The following SLC14A2 variants were observed in gnomAD, a reference collection of about 807,000 sequenced individuals.
SLC14A2 encodes solute carrier family 14 member 2.
SLC14A2 carries 91 observed loss-of-function variants against 104.6 expected under a neutral mutation model. That is an observed-to-expected ratio of 0.87 (90% confidence interval 0.73 to 1.04). The LOEUF (loss-of-function observed/expected upper bound fraction) is 1.04, where lower values mean the gene tolerates loss of function less well. Ranked by LOEUF, SLC14A2 falls within the 50% of genes least tolerant of loss-of-function variation. The pLI is 0.00. For missense variants in SLC14A2, 1,189 were observed against 1,156.0 expected (o/e 1.03, Z -0.41); for synonymous variants, 476 against 466.4 (o/e 1.02, Z -0.27).
At chr18:45,241,491 A>T (rs1384254544) in intron 1 of SLC14A2, among the ~76,000 whole-genome samples, 1 of 152,126 alleles carries the variant, frequency 6.6e-6, no homozygotes, top group African/African-American at 2.4e-5. Context: ...CCGCTTGGCC[A>T]CTGGGTCCCT....
intron 1 of SLC14A2, among the ~76,000 whole-genome samples, chr18:45,353,732 C>T (rs192295361): frequency 6.6e-6 from 1 of 152,148 alleles, no homozygotes; most frequent in African/African-American, 2.4e-5. Context: ...GTGTGGCAGG[C>T]ATGCATGAAG....
At position 45,485,507 on chromosome 18, in the gene SLC14A2, T is replaced by C. The variant is rs180742205; in HGVS notation, c.-35+2185T>C. On this transcript the variant is annotated intron_variant, in intron 2 of 20. Transcript: ENST00000586448. ...TGATTTCAGTTTATAGAGGCCATAA[T>C]GTAGAGGGTTCTTGGAAATTTCTCC... 5.9e-5 allele frequency among the ~76,000 whole-genome samples: 9 copies of C among 152,262 alleles called. No individual in the cohort carries two copies. In the East Asian group the frequency reaches 1.7e-3, roughly 29 times the overall value.
chr18:45,369,965 G>C (rs2085705131), intron 1 of SLC14A2, among the ~76,000 whole-genome samples: 1 of 152,164 alleles, frequency 6.6e-6, no homozygotes, highest in African/African-American at 2.4e-5. Context: ...GGCATCCCTA[G>C]ACCAAACTGG....
intron 2 of SLC14A2, among the ~76,000 whole-genome samples, chr18:45,609,119 C>A (rs572702152): frequency 6.6e-6 from 1 of 152,276 alleles, no homozygotes; most frequent in Non-Finnish European, 1.5e-5. Flanking sequence ...AGAGTAGGGA[C>A]AAATGGCTCA....
At chr18:45,194,643 A>ATTTTTTT in the SLC14A2 span, among the ~76,000 whole-genome samples, 3 of 108,848 alleles carry the variant, frequency 2.8e-5, no homozygotes, top group African/African-American at 7.2e-5. Flanking sequence ...TTGGTCTGTA[A>ATTTTTTT]TTTTTTTTTT....
In SLC14A2 at chr18:45,668,355, C is replaced by A. The variant is rs759490003; in HGVS notation, c.1914C>A (p.Ala638=). 2 of 1,614,072 alleles carry A rather than the reference C, an allele frequency of 1.2e-6. No individual in the cohort carries two copies. Among genetic ancestry groups the A allele is most frequent in the African/African-American group, 1.3e-5 (1 of 75,030 alleles). ...ACCCTCCCTCTCCTGCCAGGTCGGCCATCGCTGCAGGATTTCACGGCTACA... is the reference window on the plus strand; with the variant it reads ...ACCCTCCCTCTCCTGCCAGGTCGGCAATCGCTGCAGGATTTCACGGCTACA... ...TALILSQDKS[A]IAAGFHGYNG... Residue 638 remains alanine (A), a synonymous_variant, in exon 15 of 20, where the codon GCC becomes GCA. Transcript: ENST00000255226.
intron 1 of SLC14A2, among the ~76,000 whole-genome samples, chr18:45,275,955 T>C (rs1407122871): frequency 6.6e-6 from 1 of 152,224 alleles, no homozygotes; most frequent in Non-Finnish European, 1.5e-5. Context: ...TGTTTTTGAC[T>C]ATATGGTCAG....
At chr18:45,543,923 G>A (rs1428690044) in intron 2 of SLC14A2, among the ~76,000 whole-genome samples, 1 of 152,180 alleles carries the variant, frequency 6.6e-6, no homozygotes, top group African/African-American at 2.4e-5. Context: ...GGCAAAGGGT[G>A]GCTATGAGGC....
At chr18:45,284,807 C>T (rs890318311) in intron 1 of SLC14A2, among the ~76,000 whole-genome samples, 2 of 151,828 alleles carry the variant, frequency 1.3e-5, no homozygotes, top group African/African-American at 2.4e-5. Context: ...GTTAGTGCAT[C>T]GATGAACTAG....
intron 1 of SLC14A2, among the ~76,000 whole-genome samples, chr18:45,362,237 T>C (rs2085619636): frequency 6.6e-6 from 1 of 152,244 alleles, no homozygotes; most frequent in Admixed American, 6.5e-5. Context: ...TGCAGAACTG[T>C]GAGTCAATTA....
At chr18:45,443,964 C>A (rs1377771618) in intron 1 of SLC14A2, among the ~76,000 whole-genome samples, 2 of 152,054 alleles carry the variant, frequency 1.3e-5, no homozygotes, top group Admixed American at 1.3e-4. Flanking sequence ...GTGCAATTAG[C>A]AGTACAAAAT....
At chr18:45,620,377 G>C (rs1030575846) in intron 1 of SLC14A2, among the ~76,000 whole-genome samples, 5 of 152,204 alleles carry the variant, frequency 3.3e-5, no homozygotes, top group Non-Finnish European at 7.3e-5. Context: ...GCTTGCTCTG[G>C]AAAATGCTGA....
chr18:45,222,809 A>T (rs1337687759), intron 1 of SLC14A2, among the ~76,000 whole-genome samples: 1 of 152,174 alleles, frequency 6.6e-6, no homozygotes, highest in Non-Finnish European at 1.5e-5. Context: ...CTTCCCTAGA[A>T]AGTTGGTCCT....
At position 45,669,436 on chromosome 18, in the gene SLC14A2, A is replaced by T; in HGVS notation, c.2167A>T (p.Thr723Ser). The T allele has an allele frequency of 6.2e-7, 1 of 1,613,972 alleles. No homozygotes were observed. The highest frequency in any genetic ancestry group is 8.5e-7 in the Non-Finnish European group (1 of 1,179,966). ...TGHYNLFFPT[T>S]LLQPASAMPN... ...CCACTACAACCTTTTCTTCCCCACA[A>T]CGCTGCTGCAGCCTGCATCCGCCAT... The change falls in exon 16 of 20, where the codon ACG becomes TCG. Residue 723 changes from threonine (T) to serine (S), a missense_variant. Thr to Ser is a moderately conservative substitution (Grantham distance 58, BLOSUM62 1). Transcript: ENST00000255226.
At chr18:45,335,357 C>T (rs1017202415) in intron 1 of SLC14A2, among the ~76,000 whole-genome samples, 2 of 152,204 alleles carry the variant, frequency 1.3e-5, no homozygotes, top group Non-Finnish European at 2.9e-5. Context: ...CTTTGAGATA[C>T]ATCTAAGTTG....
intron 1 of SLC14A2, among the ~76,000 whole-genome samples, chr18:45,326,604 T>C (rs902247613): frequency 6.6e-6 from 1 of 152,192 alleles, no homozygotes; most frequent in African/African-American, 2.4e-5. Flanking sequence ...TGGAACTATG[T>C]AGAGGTAAGG....
At chr18:45,613,303 TGA>T (rs1251575081), upstream of SLC14A2, among the ~76,000 whole-genome samples, 2 of 152,204 alleles carry the variant, frequency 1.3e-5, no homozygotes, top group Non-Finnish European at 2.9e-5. Flanking sequence ...ATTACAGGTG[TGA>T]GCCACTGCGC....
At chr18:45,436,245 C>A (rs1400724980) in intron 1 of SLC14A2, among the ~76,000 whole-genome samples, 1 of 152,316 alleles carries the variant, frequency 6.6e-6, no homozygotes, top group Middle Eastern at 3.4e-3. Context: ...AGGTTAGAGG[C>A]AATCAGGTCA....
At chr18:45,263,359 C>T (rs889540632) in intron 1 of SLC14A2, among the ~76,000 whole-genome samples, 9 of 152,170 alleles carry the variant, frequency 5.9e-5, no homozygotes, top group African/African-American at 2.2e-4. Context: ...TTGATAGAGC[C>T]ATTTACTGGT....
Sources: allele counts gnomAD v4.1 joint callset (sites outside exome capture counted in the v4.1 genomes callset), GRCh38; gene constraint gnomAD v4.1.1; transcripts MANE v1.5; gene names NCBI Gene and HGNC (gene_info 2026-07-23, HGNC 2026-07-21).